Variants in SOX5 observed in about 807,000 individuals in gnomAD.
SOX5 encodes the protein transcription factor SOX-5.
A neutral mutation model predicts 92.0 loss-of-function variants in SOX5; 9 were observed. That is an observed-to-expected ratio of 0.10 (90% confidence interval 0.06 to 0.17). The LOEUF (loss-of-function observed/expected upper bound fraction) is 0.17, where lower values mean the gene tolerates loss of function less well. SOX5 is among the 10% of genes least tolerant of loss of function. The pLI is 1.00. For missense variants in SOX5, 642 were observed against 944.5 expected, an observed-to-expected ratio of 0.68 and a Z score of 4.20; for synonymous variants, 344 against 336.3, an observed-to-expected ratio of 1.02 and a Z score of -0.25.
At chr12:24,527,699 A>G (rs1451915247) in intron 1 of SOX5, among the ~76,000 whole-genome samples, 1 of 152,238 alleles carries the variant, frequency 6.6e-6, no homozygotes, top group African/African-American at 2.4e-5. Flanking sequence ...AGAAGCTCAG[A>G]GTCACACTGC....
At chr12:24,551,382 G>A (rs1480490519) in intron 1 of SOX5, among the ~76,000 whole-genome samples, 1 of 152,178 alleles carries the variant, frequency 6.6e-6, no homozygotes, top group Non-Finnish European at 1.5e-5. Flanking sequence ...ACGTTAAATA[G>A]ATTGTCTAAG....
intron 3 of SOX5, among the ~76,000 whole-genome samples, chr12:23,776,198 C>T (rs908247129): frequency 1.3e-5 from 2 of 152,056 alleles, no homozygotes; most frequent in African/African-American, 4.8e-5. Flanking sequence ...AAAACATTAT[C>T]TTTTTTTGAC....
chr12:24,206,926 G>A (rs1402890967), intron 4 of SOX5, among the ~76,000 whole-genome samples: 1 of 152,216 alleles, frequency 6.6e-6, no homozygotes, highest in African/African-American at 2.4e-5. Flanking sequence ...ATGGGAAGCA[G>A]TAAGCAACTG....
intron 4 of SOX5, among the ~76,000 whole-genome samples, chr12:24,199,162 A>AG (rs1957288827): frequency 6.6e-6 from 1 of 152,166 alleles, no homozygotes; most frequent in Non-Finnish European, 1.5e-5. Flanking sequence ...TCTGTGTCTG[A>AG]GATCATGAGA....
At chr12:24,142,084 C>T (rs575350966) in intron 4 of SOX5, among the ~76,000 whole-genome samples, 1 of 152,276 alleles carries the variant, frequency 6.6e-6, no homozygotes, top group East Asian at 1.9e-4. Flanking sequence ...CAGAAAATTT[C>T]TCCTTTTTCT....
intron 2 of SOX5, among the ~76,000 whole-genome samples, chr12:24,343,581 G>T (rs1038880026): frequency 6.6e-6 from 1 of 152,026 alleles, no homozygotes; most frequent in Admixed American, 6.6e-5. Flanking sequence ...ACTGTATCAC[G>T]CAGTCTTATG....
At position 24,167,850 on chromosome 12, in the gene SOX5, G is replaced by T. The variant is rs145452221; in HGVS notation, c.-2+45493C>A. On this transcript the variant is annotated intron_variant, in intron 4 of 4. Transcript: ENST00000446891. The stretch of plus-strand genomic sequence containing the variant: ...TCCTATAAGAGTCTAATTATCCCCA[G>T]TTTGCAGAAGGGCAAGGTGGGGCTG... 4.8e-3 allele frequency among the ~76,000 whole-genome samples: 731 copies of T among 152,250 alleles called. 1 individual carries two copies. The highest frequency in any genetic ancestry group is 0.016 in the African/African-American group (674 of 41,536).
chr12:23,924,384 G>T (rs1317727109), intron 1 of SOX5, among the ~76,000 whole-genome samples: 1 of 151,950 alleles, frequency 6.6e-6, no homozygotes, highest in Non-Finnish European at 1.5e-5. Flanking sequence ...ATTACACAAG[G>T]TGACATGGTA....
chr12:24,155,324 AT>A (rs1441061076), intron 4 of SOX5, among the ~76,000 whole-genome samples: 10 of 152,100 alleles, frequency 6.6e-5, no homozygotes, highest in African/African-American at 2.2e-4. Context: ...AAATGTTCCC[AT>A]TTTTTTCTTC....
At chr12:23,669,471 T>C (rs1403608082) in intron 6 of SOX5, among the ~76,000 whole-genome samples, 1 of 151,994 alleles carries the variant, frequency 6.6e-6, no homozygotes, top group Non-Finnish European at 1.5e-5. Context: ...GGTAAGAAAC[T>C]AGAGATTTCC....
At chr12:24,421,200 C>T (rs1423357130) in intron 1 of SOX5, among the ~76,000 whole-genome samples, 2 of 152,114 alleles carry the variant, frequency 1.3e-5, no homozygotes, top group African/African-American at 4.8e-5. Context: ...CATGGAGAGG[C>T]TTCTGGGATT....
At chr12:24,093,287 C>A (rs1427477412) in intron 4 of SOX5, among the ~76,000 whole-genome samples, 2 of 151,920 alleles carry the variant, frequency 1.3e-5, no homozygotes, top group Admixed American at 6.6e-5. Flanking sequence ...TTTGGGAGGC[C>A]GAGGCGGGCA....
chr12:24,225,493 T>TCC (rs1245136270), intron 3 of SOX5, among the ~76,000 whole-genome samples: 85 of 148,034 alleles, frequency 5.7e-4, no homozygotes, highest in African/African-American at 1.3e-3. Flanking sequence ...TTTTTTTTTT[T>TCC]CCCCACTTAG....
chr12:24,020,141 C>T (rs566699192), intron 4 of SOX5, among the ~76,000 whole-genome samples: 131 of 152,240 alleles, frequency 8.6e-4, no homozygotes, highest in African/African-American at 2.9e-3. Context: ...GTTGAGCAGT[C>T]CTTAAGGATA....
At chr12:24,134,694 C>T (rs998252395) in intron 4 of SOX5, among the ~76,000 whole-genome samples, 1 of 151,996 alleles carries the variant, frequency 6.6e-6, no homozygotes, top group African/African-American at 2.4e-5. Flanking sequence ...GAACAATGGG[C>T]CAGAGATGGG....
Position 24,547,594 on chromosome 12 carries a change from C to T in SOX5, c.-251+14735G>A, listed in dbSNP as rs564680378. 1.1e-3 allele frequency among the ~76,000 whole-genome samples: 170 copies of T among 152,248 alleles called. 2 individuals carry two copies. Among genetic ancestry groups the T allele is most frequent in the Non-Finnish European group, 2.1e-3 (146 of 68,020 alleles). ...GGAGTGGGTATAGTTGTCAATAGGA[C>T]AAAAATGCTATTTTATTATATAGCC... is the stretch of plus-strand genomic sequence containing the variant. On this transcript the variant is annotated intron_variant, in intron 1 of 4. Transcript: ENST00000446891.
intron 4 of SOX5, among the ~76,000 whole-genome samples, chr12:24,188,555 T>C (rs770926793): frequency 4.0e-5 from 6 of 151,890 alleles, no homozygotes; most frequent in Admixed American, 6.6e-5. Flanking sequence ...ATATGGACAA[T>C]AGTAAGTCAA....
chr12:24,456,919 A>C (rs748872979), intron 1 of SOX5, among the ~76,000 whole-genome samples: 8 of 152,364 alleles, frequency 5.3e-5, no homozygotes, highest in Non-Finnish European at 8.8e-5. Context: ...TTGAAAGATC[A>C]GTAAACCTAA....
chr12:23,542,565 C>A (rs866929805), intron 13 of SOX5, among the ~76,000 whole-genome samples: 2 of 152,102 alleles, frequency 1.3e-5, no homozygotes, highest in Non-Finnish European at 2.9e-5. Flanking sequence ...TAAATGCGTA[C>A]TTTGTTTTCT....
Sources: gnomAD v4.1 joint callset for allele counts (sites outside exome capture counted in the v4.1 genomes callset) on GRCh38, gnomAD v4.1.1 for gene constraint, MANE v1.5 for transcripts, NCBI Gene and HGNC (gene_info 2026-07-23, HGNC 2026-07-21) for gene names.